STX12: variants seen among roughly 807,000 people sequenced by gnomAD.
STX12 encodes syntaxin-12.
In STX12, 17 loss-of-function variants were observed where a neutral mutation model predicts 42.2. That is an observed-to-expected ratio of 0.40 (90% CI 0.28 to 0.60). STX12 has a LOEUF of 0.60. Among genes scored for constraint, STX12 ranks in the 20% least tolerant of loss-of-function variants. STX12 has a pLI of 0.39. For synonymous variants in STX12, 108 were observed against 116.7 expected, an observed-to-expected ratio of 0.93 and a Z score of 0.48; for missense variants, 297 against 330.9, an observed-to-expected ratio of 0.90 and a Z score of 0.79.
At chr1:27,822,198 A>T in intron 8 of STX12, 33 bp from the exon 9 acceptor site, 1 of 1,320,200 alleles carries the variant, frequency 7.6e-7, no homozygotes. Flanking sequence ...TACTTGTTTC[A>T]TGAGTATCTT....
chr1:27,792,429 T>C (rs1420905041), intron 2 of STX12, among the ~76,000 whole-genome samples: 3 of 150,760 alleles, frequency 2.0e-5, no homozygotes, highest in Non-Finnish European at 4.4e-5. Flanking sequence ...ATGACTATTA[T>C]TGTGAGCTTT....
chr1:27,799,890 T>C (rs2088815702), intron 3 of STX12, among the ~76,000 whole-genome samples: 1 of 152,270 alleles, frequency 6.6e-6, no homozygotes, highest in Admixed American at 6.5e-5. Flanking sequence ...TAGCTGGGAT[T>C]ACAGGTGCCT....
intron 3 of STX12, among the ~76,000 whole-genome samples, chr1:27,801,461 G>C (rs1256463600): frequency 6.6e-6 from 1 of 151,656 alleles, no homozygotes; most frequent in African/African-American, 2.4e-5. Flanking sequence ...TTCCAGGTTT[G>C]TCAGAATGAA....
chr1:27,816,575 G>A (rs1571533446), intron 6 of STX12, among the ~76,000 whole-genome samples: 1 of 150,612 alleles, frequency 6.6e-6, no homozygotes, highest in Non-Finnish European at 1.5e-5. Flanking sequence ...GGAGGCCGAG[G>A]CAGGCGGATC....
chr1:27,803,275 A>G (rs1199462425), intron 4 of STX12, among the ~76,000 whole-genome samples: 2 of 152,250 alleles, frequency 1.3e-5, no homozygotes, highest in Admixed American at 6.5e-5. Flanking sequence ...AGATACATCA[A>G]AGACAAACTT....
intron 8 of STX12, among the ~76,000 whole-genome samples, chr1:27,820,523 C>G (rs1423593713): frequency 3.9e-5 from 6 of 152,122 alleles, no homozygotes; most frequent in Non-Finnish European, 7.4e-5. Flanking sequence ...AATTAGATCC[C>G]ATTTGTCAGT....
At chr1:27,780,958 CA>C (rs879665386) in intron 1 of STX12, among the ~76,000 whole-genome samples, 161 of 137,734 alleles carry the variant, frequency 1.2e-3, no homozygotes, top group African/African-American at 1.1e-3. Context: ...GACCCTGTCT[CA>C]AAAAAAAAAA....
intron 3 of STX12, among the ~76,000 whole-genome samples, chr1:27,798,953 CAA>C (rs56799050): frequency 5.1e-5 from 4 of 78,354 alleles, no homozygotes; most frequent in Admixed American, 1.4e-4. Context: ...GACCCTGTCT[CAA>C]AAAAAAAAAA....
At chr1:27,815,981 G>C (rs1034899835) in intron 6 of STX12, among the ~76,000 whole-genome samples, 4 of 152,058 alleles carry the variant, frequency 2.6e-5, no homozygotes, top group African/African-American at 7.2e-5. Flanking sequence ...TTCGAGACCA[G>C]CCTGGCCAAT....
At chr1:27,794,695 C>T (rs954833749) in intron 3 of STX12, among the ~76,000 whole-genome samples, 7 of 152,094 alleles carry the variant, frequency 4.6e-5, no homozygotes, top group African/African-American at 1.7e-4. Context: ...CTATACCATT[C>T]GTGGGGGCAC....
At chr1:27,797,841 A>G (rs548443027) in intron 3 of STX12, among the ~76,000 whole-genome samples, 1 of 151,828 alleles carries the variant, frequency 6.6e-6, no homozygotes, top group Admixed American at 6.6e-5. Context: ...ACTCATGCTA[A>G]TTAGCCCTAA....
intron 7 of STX12, among the ~76,000 whole-genome samples, chr1:27,818,931 A>G (rs1405232616): frequency 7.0e-6 from 1 of 143,560 alleles, no homozygotes; most frequent in African/African-American, 3.0e-5. Flanking sequence ...CTGGCCAGTA[A>G]CTCTTTTTTT....
intron 6 of STX12, among the ~76,000 whole-genome samples, chr1:27,815,197 C>T (rs2148607411): frequency 6.6e-6 from 1 of 152,226 alleles, no homozygotes; most frequent in East Asian, 1.9e-4. Context: ...AGTCCTGGAA[C>T]CAATCCCCCA....
intron 6 of STX12, among the ~76,000 whole-genome samples, chr1:27,813,941 C>T (rs1336607742): frequency 6.6e-6 from 1 of 152,098 alleles, no homozygotes; most frequent in African/African-American, 2.4e-5. Context: ...TACTCTGTCA[C>T]CCAGGCAGGA....
At chr1:27,779,317 G>A (rs1330957973) in intron 1 of STX12, among the ~76,000 whole-genome samples, 2 of 150,356 alleles carry the variant, frequency 1.3e-5, no homozygotes, top group African/African-American at 5.0e-5. Context: ...TGAATCAGAT[G>A]GTTTTTTTTG....
chr1:27,797,218 C>T (rs144357088), intron 3 of STX12, among the ~76,000 whole-genome samples: 77 of 152,122 alleles, frequency 5.1e-4, no homozygotes, highest in Middle Eastern at 6.8e-3. Flanking sequence ...CACACCACCA[C>T]GCTAATTTTT....
chr1:27,797,975 C>T (rs2088798359), intron 3 of STX12, among the ~76,000 whole-genome samples: 1 of 151,920 alleles, frequency 6.6e-6, no homozygotes, highest in Non-Finnish European at 1.5e-5. Context: ...CTGTGTGATC[C>T]TGGGCAAATT....
Position 27,793,780 on chromosome 1 carries a change from G to A in STX12, c.288+148G>A, listed in dbSNP as rs1313143360. The stretch of plus-strand genomic sequence containing the variant: ...TCAGTTTCTTATCCATCAAGTGGGG[G>A]ATATGTGACTGTTGGGGCAATAGAA... On this transcript the variant is annotated intron_variant, in intron 3 of 8. Transcript: ENST00000373943. 9.9e-6 allele frequency: 6 copies of A among 608,782 alleles called. 1 individual carries two copies. The Admixed American group carries it at 1.4e-4, about 15-fold the overall frequency. 37.7% of individuals were successfully genotyped at this position (608,782 alleles called of 1,614,324 possible). A position where few individuals can be genotyped will look rare whatever the true frequency, so the allele number is the denominator to read the frequency against.
At chr1:27,809,146 C>T (rs569794598) in intron 4 of STX12, among the ~76,000 whole-genome samples, 191 of 152,026 alleles carry the variant, frequency 1.3e-3, no homozygotes, top group Non-Finnish European at 2.3e-3. Flanking sequence ...GCAGCCTGGC[C>T]AATATGGTGA....
Sources: allele counts gnomAD v4.1 joint callset (sites outside exome capture counted in the v4.1 genomes callset), GRCh38; gene constraint gnomAD v4.1.1; transcripts MANE v1.5; gene names NCBI Gene and HGNC (gene_info 2026-07-23, HGNC 2026-07-21).